Variants in PCDH11X observed in about 807,000 individuals in gnomAD.
The protein encoded by PCDH11X is protocadherin 11 X-linked.
PCDH11X carries 18 observed loss-of-function variants against 53.3 expected under a neutral mutation model. The observed-to-expected ratio is 0.34, with a 90% confidence interval of 0.23 to 0.50. PCDH11X has a LOEUF of 0.50. Among genes scored for constraint, PCDH11X ranks in the 20% least tolerant of loss-of-function variants. PCDH11X has a pLI of 0.98. For synonymous variants in PCDH11X, 279 were observed against 393.3 expected (o/e 0.71, Z 3.44); for missense variants, 570 against 1,032.4 (o/e 0.55, Z 6.14).
At chrX:92,034,745 T>A (rs1024676839) in intron 6 of PCDH11X, among the ~76,000 whole-genome samples, 1 of 109,594 alleles carries the variant, frequency 9.1e-6, no homozygotes, top group African/African-American at 3.3e-5. Context: ...TTATATTCAA[T>A]GTAATTATTG....
chrX:92,258,637 G>T (rs1274669745), intron 7 of PCDH11X, among the ~76,000 whole-genome samples: 2 of 111,554 alleles, frequency 1.8e-5, no homozygotes, highest in Non-Finnish European at 3.8e-5. Flanking sequence ...AAAGTGCTGG[G>T]ATTACAGGCG....
At chrX:92,137,324 C>T (rs1286325834) in intron 6 of PCDH11X, among the ~76,000 whole-genome samples, 2 of 111,414 alleles carry the variant, frequency 1.8e-5, no homozygotes, top group African/African-American at 6.5e-5. Flanking sequence ...AAAAAGTCAT[C>T]TTGGAGAGCT....
chrX:92,136,015 T>C (rs1287832459), intron 6 of PCDH11X, among the ~76,000 whole-genome samples: 2 of 111,491 alleles, frequency 1.8e-5, no homozygotes, highest in Admixed American at 1.9e-4. Flanking sequence ...CACTTGTAAT[T>C]ATTCAGTCAA....
At chrX:92,586,028 T>A in intron 10 of PCDH11X, among the ~76,000 whole-genome samples, 1 of 82,097 alleles carries the variant, frequency 1.2e-5, no homozygotes, top group Non-Finnish European at 2.3e-5. Context: ...AAATAGACTT[T>A]CTACTGCCTA....
intron 10 of PCDH11X, among the ~76,000 whole-genome samples, chrX:92,597,514 GA>G (rs1262058650): frequency 9.0e-6 from 1 of 111,071 alleles, no homozygotes; most frequent in East Asian, 2.8e-4. Flanking sequence ...AAACACTGAC[GA>G]AAAAAATTTC....
intron 7 of PCDH11X, among the ~76,000 whole-genome samples, chrX:92,235,852 C>T (rs6652625): frequency 0.13 from 14,630 of 109,828 alleles, 1,620 homozygotes; most frequent in African/African-American, 0.36. Context: ...TCATCCTTCA[C>T]GTACAGCCCG....
intron 1 of PCDH11X, among the ~76,000 whole-genome samples, chrX:91,795,415 A>AT (rs1461795436): frequency 1.8e-5 from 2 of 110,380 alleles, no homozygotes; most frequent in Non-Finnish European, 3.8e-5. Context: ...GCTTATGTAC[A>AT]TTTTTTTAAA....
chrX:92,094,224 T>C (rs929645809), intron 6 of PCDH11X, among the ~76,000 whole-genome samples: 4 of 108,436 alleles, frequency 3.7e-5, no homozygotes, highest in African/African-American at 1.3e-4. Flanking sequence ...TCTAGCATGG[T>C]TGTTTTGTTG....
chrX:92,154,613 T>G (rs2759777), intron 6 of PCDH11X, among the ~76,000 whole-genome samples: 1 of 108,593 alleles, frequency 9.2e-6, no homozygotes, highest in East Asian at 2.9e-4. Context: ...GAGACCCTAG[T>G]GGGCAGACAC....
chrX:92,467,201 G>A (rs2073173055), intron 9 of PCDH11X, among the ~76,000 whole-genome samples: 1 of 111,002 alleles, frequency 9.0e-6, no homozygotes, highest in African/African-American at 3.3e-5. Context: ...GAAACACCTT[G>A]CAATGAGAAA....
intron 7 of PCDH11X, among the ~76,000 whole-genome samples, chrX:92,210,964 T>A (rs752729462): frequency 8.9e-6 from 1 of 111,866 alleles, no homozygotes; most frequent in African/African-American, 3.3e-5. Flanking sequence ...CTTTCCCTCA[T>A]CTTCCTGTCT....
chrX:92,001,128 T>G (rs1427157937), intron 6 of PCDH11X, among the ~76,000 whole-genome samples: 1 of 110,182 alleles, frequency 9.1e-6, no homozygotes, highest in Non-Finnish European at 1.9e-5. Flanking sequence ...GATAGCACAA[T>G]TTTTAGTTTT....
chrX:91,855,860 C>A (rs1312429969), intron 5 of PCDH11X, among the ~76,000 whole-genome samples: 1 of 111,722 alleles, frequency 9.0e-6, no homozygotes, highest in Non-Finnish European at 1.9e-5. Context: ...GATCCTGCAT[C>A]TTTACTGAAA....
chrX:92,585,552 G>T (rs1249715701), intron 10 of PCDH11X, among the ~76,000 whole-genome samples: 1 of 107,667 alleles, frequency 9.3e-6, no homozygotes, highest in Non-Finnish European at 1.9e-5. Flanking sequence ...TTGTATTTTT[G>T]GTAGAGACGG....
chrX:92,202,212 G>A (rs2066402716), intron 7 of PCDH11X, among the ~76,000 whole-genome samples: 1 of 111,573 alleles, frequency 9.0e-6, no homozygotes, highest in East Asian at 2.8e-4. Context: ...GCACTTGAGA[G>A]GGGCCACATG....
chrX:91,882,353 A>G (rs1230566278), intron 6 of PCDH11X, among the ~76,000 whole-genome samples: 3 of 109,982 alleles, frequency 2.7e-5, no homozygotes, highest in Admixed American at 2.0e-4. Context: ...AGAAACCATA[A>G]GTATAAATAA....
intron 6 of PCDH11X, among the ~76,000 whole-genome samples, chrX:91,976,716 C>T (rs1359382305): frequency 4.5e-5 from 5 of 110,707 alleles, no homozygotes; most frequent in South Asian, 3.9e-4. Flanking sequence ...CATTAATCAC[C>T]GATACATATG....
chrX:92,116,878 G>A (rs1201456628), intron 6 of PCDH11X, among the ~76,000 whole-genome samples: 2 of 110,301 alleles, frequency 1.8e-5, no homozygotes, highest in East Asian at 2.9e-4. Flanking sequence ...ATGAGCCACC[G>A]TGCTCAGCCA....
chrX:92,191,553 G>A (rs1469781653), intron 6 of PCDH11X, among the ~76,000 whole-genome samples: 1 of 111,856 alleles, frequency 8.9e-6, no homozygotes, highest in Non-Finnish European at 1.9e-5. Flanking sequence ...TTTACCAATG[G>A]CTTAGTCTAG....
Sources: allele counts gnomAD v4.1 joint callset (sites outside exome capture counted in the v4.1 genomes callset), GRCh38; gene constraint gnomAD v4.1.1; transcripts MANE v1.5; gene names NCBI Gene and HGNC (gene_info 2026-07-23, HGNC 2026-07-21).